Variants in LYRM1 observed in about 807,000 individuals in gnomAD.
The protein encoded by LYRM1 is LYR motif containing 1.
Under a neutral mutation model 14.9 loss-of-function variants are expected in LYRM1, and 14 were observed. The ratio of observed to expected loss-of-function variants is 0.94; its 90% confidence interval spans 0.62 to 1.47. The LOEUF is 1.47. Among genes scored for constraint, LYRM1 ranks in the 40% most tolerant of loss-of-function variants. The pLI, the probability that LYRM1 is intolerant of heterozygous loss-of-function variation, is 0.00. For synonymous variants in LYRM1, 43 were observed against 56.2 expected, an observed-to-expected ratio of 0.77 and a Z score of 1.05; for missense variants, 153 against 149.9, an observed-to-expected ratio of 1.02 and a Z score of -0.11.
At position 20,920,167 on chromosome 16, in the gene LYRM1, G is replaced by A. The variant is rs1446568119; in HGVS notation, c.205G>A (p.Ala69Thr). The change falls in exon 3 of 4, where the codon GCC (alanine) becomes ACC (threonine). Residue 69 changes from alanine (A) to threonine (T), a missense_variant. By Grantham distance (58) the Ala-to-Thr change is moderately conservative. Coordinates refer to ENST00000567954, the MANE Select transcript of LYRM1 (RefSeq NM_001128302.3). ...TAAACAGTGTATAGATGAATGCACA[G>A]CCAGGATTGAAATTGGACTGCATTA... ...LIKQCIDECT[A>T]RIEIGLHYKI... 3.1e-5 allele frequency: 50 copies of A among 1,613,996 alleles called. No homozygotes were observed. The highest frequency in any genetic ancestry group is 4.2e-5 in the Non-Finnish European group (50 of 1,179,992).
At chr16:20,900,713 C>G (rs1035164158), upstream of LYRM1, 5 of 152,424 alleles carry the variant, frequency 3.3e-5, no homozygotes, top group Non-Finnish European at 7.3e-5. Flanking sequence ...CGAGACTCCC[C>G]CAGACCTGGA....
intron 1 of LYRM1, among the ~76,000 whole-genome samples, chr16:20,909,723 A>C (rs2082494676): frequency 6.6e-6 from 1 of 152,244 alleles, no homozygotes; most frequent in Non-Finnish European, 1.5e-5. Flanking sequence ...ACAAAAATAT[A>C]AAAAGGAAAA....
At chr16:20,904,405 TA>T (rs1345365325) in intron 1 of LYRM1, among the ~76,000 whole-genome samples, 7 of 152,168 alleles carry the variant, frequency 4.6e-5, no homozygotes, top group Non-Finnish European at 2.9e-5. Context: ...CCCCGTGTTC[TA>T]AAAACTTCCC....
chr16:20,921,647 A>G (rs926864292), intron 3 of LYRM1: 2 of 148,540 alleles, frequency 1.3e-5, no homozygotes, highest in Admixed American at 1.4e-4. Flanking sequence ...CAATCTGCCC[A>G]CCGTGGCCTC....
intron 1 of LYRM1, among the ~76,000 whole-genome samples, chr16:20,912,280 T>G (rs1201557450): frequency 6.8e-6 from 1 of 146,894 alleles, no homozygotes; most frequent in Non-Finnish European, 1.5e-5. Context: ...GTTTTTTTTG[T>G]TTTTTTTGAG....
chr16:20,907,422 G>A (rs1046675770), intron 1 of LYRM1, among the ~76,000 whole-genome samples: 11 of 152,012 alleles, frequency 7.2e-5, no homozygotes, highest in Non-Finnish European at 1.2e-4. Context: ...GTGCAGTGGC[G>A]TGATCATAGC....
intron 2 of LYRM1, among the ~76,000 whole-genome samples, chr16:20,918,363 G>A (rs538237305): frequency 6.7e-4 from 102 of 152,298 alleles, no homozygotes; most frequent in African/African-American, 2.4e-3. Context: ...TGGTACATGA[G>A]ATTATTTGGG....
In LYRM1 at chr16:20,920,213, CA is replaced by C; in HGVS notation, c.252del (p.Ile85PhefsTer22). On this transcript the variant is annotated frameshift_variant and splice_region_variant, in exon 3 of 4. Coordinates refer to ENST00000567954, the MANE Select transcript of LYRM1 (RefSeq NM_001128302.3). LOFTEE classifies it high-confidence loss of function. ...CATTACAAGATTCCTTACCCAAGGC[CA>C]GTAAGTGTGACTCCGGTTAACAAGT... is the stretch of plus-strand genomic sequence containing the variant. ...GLHYKIPYPR[P>X]IHLPPMGLTP... 6.2e-7 allele frequency: 1 copy of C among 1,610,380 alleles called. No homozygotes were observed. Among genetic ancestry groups the C allele is most frequent in the East Asian group, 2.2e-5 (1 of 44,872 alleles).
chr16:20,920,966 TAAG>T (rs1350582771), intron 3 of LYRM1, among the ~76,000 whole-genome samples: 8 of 151,148 alleles, frequency 5.3e-5, no homozygotes, highest in East Asian at 3.9e-4. Flanking sequence ...TTCAGAAAGT[TAAG>T]AAACAAAATA....
chr16:20,919,894 C>T (rs772040291), intron 2 of LYRM1, among the ~76,000 whole-genome samples: 6 of 152,098 alleles, frequency 3.9e-5, no homozygotes, highest in Non-Finnish European at 7.4e-5. Flanking sequence ...AAGAGGGAAA[C>T]GTAGTTCTTA....
In LYRM1 at chr16:20,924,265, A is replaced by C; in HGVS notation, c.*149A>C. On this transcript the variant is annotated 3_prime_UTR_variant, in exon 4 of 4. Coordinates refer to ENST00000567954, the MANE Select transcript of LYRM1 (RefSeq NM_001128302.3). ...TTCTCCCCCTGTGATGTAAACTTAG[A>C]TATCCCTAGAGTTTCTCAGCATCTT... The C allele has an allele frequency of 3.4e-6, 2 of 591,700 alleles. No homozygotes were observed. The highest frequency in any genetic ancestry group is 3.1e-5 in the Admixed American group (1 of 32,068). The allele number at this position is 591,700 out of a possible 1,614,324, so 36.7% of individuals were successfully genotyped here. A position where few individuals can be genotyped will look rare whatever the true frequency, so the allele number is the denominator to read the frequency against.
chr16:20,912,896 A>G (rs1181167215), intron 1 of LYRM1, among the ~76,000 whole-genome samples: 1 of 151,758 alleles, frequency 6.6e-6, no homozygotes, highest in Non-Finnish European at 1.5e-5. Flanking sequence ...GTGAAACCCC[A>G]TCTCTACTAA....
chr16:20,906,830 A>G (rs2082344803), intron 1 of LYRM1, among the ~76,000 whole-genome samples: 1 of 152,144 alleles, frequency 6.6e-6, no homozygotes, highest in Non-Finnish European at 1.5e-5. Flanking sequence ...AGATCTTTCC[A>G]TAGTCCTCCT....
At chr16:20,906,825 T>C (rs1250387049) in intron 1 of LYRM1, among the ~76,000 whole-genome samples, 1 of 152,172 alleles carries the variant, frequency 6.6e-6, no homozygotes, top group Non-Finnish European at 1.5e-5. Flanking sequence ...CCAGCAGATC[T>C]TTCCATAGTC....
intron 1 of LYRM1, 21 bp from the exon 2 acceptor site, chr16:20,915,535 T>A (rs1428425530): frequency 6.2e-7 from 1 of 1,604,110 alleles, no homozygotes; most frequent in Non-Finnish European, 8.5e-7. Context: ...TTTTCCCTCT[T>A]CTATTTTGGT....
In LYRM1 at chr16:20,922,127, G is replaced by C. The variant is rs116314071; in HGVS notation, c.253-1873G>C. On this transcript the variant is annotated intron_variant, in intron 3 of 3. Transcript: ENST00000567954. ...AGCCTCCTGAGTAGCTGGGATTACAGATTACAGGTACACCACCACACCCAC... is the reference window on the plus strand; with the variant it reads ...AGCCTCCTGAGTAGCTGGGATTACACATTACAGGTACACCACCACACCCAC... 1,187 of 151,738 alleles carry C rather than the reference G, an allele frequency of 7.8e-3. 26 individuals carry two copies. The highest frequency in any genetic ancestry group is 0.027 in the African/African-American group (1,120 of 41,330). The allele number at this position is 151,738 out of a possible 1,614,324, so 9.4% of individuals were successfully genotyped here.
rs1469510746 is a variant in LYRM1, at chr16:20,924,054, C to A, written c.307C>A (p.Gln103Lys). ...TPLRGRGLRSQEKLRKLSKPV... is the reference protein window; with the variant it reads ...TPLRGRGLRSKEKLRKLSKPV... ...ACTCCGAGGCCGGGGACTTCGAAGC[C>A]AAGAGAAACTGAGGAAACTTTCCAA... The change falls in exon 4 of 4, where the codon CAA becomes AAA. Residue 103 changes from glutamine (Q) to lysine (K), a missense_variant. Transcript: ENST00000567954. 2 of 1,613,674 alleles carry A rather than the reference C, an allele frequency of 1.2e-6. No individual in the cohort carries two copies. The highest frequency in any genetic ancestry group is 1.7e-6 in the Non-Finnish European group (2 of 1,179,726).
At chr16:20,914,541 A>G (rs1029526727) in intron 1 of LYRM1, among the ~76,000 whole-genome samples, 6 of 151,628 alleles carry the variant, frequency 4.0e-5, no homozygotes, top group Non-Finnish European at 8.8e-5. Context: ...AGGTCAAGCA[A>G]TCCACTTGCC....
upstream of LYRM1, chr16:20,900,593 G>C (rs1193950683): frequency 6.6e-6 from 1 of 151,954 alleles, no homozygotes; most frequent in African/African-American, 2.4e-5. Context: ...TTTTTTTCTT[G>C]TTTTACGGGA....
Sources: gnomAD v4.1 joint callset for allele counts (sites outside exome capture counted in the v4.1 genomes callset) on GRCh38, gnomAD v4.1.1 for gene constraint, MANE v1.5 for transcripts, NCBI Gene and HGNC (gene_info 2026-07-23, HGNC 2026-07-21) for gene names.